The following TYW1B variants were observed in gnomAD, a reference collection of about 807,000 sequenced individuals.
TYW1B encodes the protein tRNA-yW synthesizing protein 1 homolog B.
Under a neutral mutation model 86.9 loss-of-function variants are expected in TYW1B, and 73 were observed. The ratio of observed to expected loss-of-function variants is 0.84; its 90% CI spans 0.70 to 1.02. The LOEUF (loss-of-function observed/expected upper bound fraction) is 1.02, where lower values mean the gene tolerates loss of function less well. Ranked by LOEUF, TYW1B falls within the 50% of genes least tolerant of loss-of-function variation. The probability of loss-of-function intolerance (pLI) is 0.00; values close to 1 mark genes in which losing one functional copy is unlikely to be tolerated. For synonymous variants in TYW1B, 248 were observed against 292.8 expected (o/e 0.85, Z 1.56); for missense variants, 637 against 827.4 (o/e 0.77, Z 2.82).
At chr7:72,735,723 A>G (rs1787185804) in intron 8 of TYW1B, among the ~76,000 whole-genome samples, 1 of 151,908 alleles carries the variant, frequency 6.6e-6, no homozygotes, top group African/African-American at 2.4e-5. Context: ...TACAAAAATT[A>G]TCCGGGCTTG....
At chr7:72,687,305 C>T (rs1202256343) in intron 11 of TYW1B, among the ~76,000 whole-genome samples, 1 of 152,134 alleles carries the variant, frequency 6.6e-6, no homozygotes, top group African/African-American at 2.4e-5. Flanking sequence ...CATGGTGGTG[C>T]ATGCCTGTAA....
At chr7:72,736,542 T>C (rs1787199799) in intron 8 of TYW1B, among the ~76,000 whole-genome samples, 2 of 152,192 alleles carry the variant, frequency 1.3e-5, no homozygotes, top group African/African-American at 4.8e-5. Flanking sequence ...ACTTCACTTT[T>C]TACATGCATC....
In TYW1B at chr7:72,601,794, T is replaced by C. The variant is rs546713971; in HGVS notation, c.1785+14878A>G. On this transcript the variant is annotated intron_variant, in intron 13 of 13. Transcript: ENST00000620995. ...AAAAAAAAAAAAGAAAGAAGCCAGT[T>C]TGATAAAACTACATAGTATATACTT... is the stretch of plus-strand genomic sequence containing the variant. 9.9e-4 allele frequency among the ~76,000 whole-genome samples: 149 copies of C among 151,022 alleles called. 1 individual carries two copies. Among genetic ancestry groups the C allele is most frequent in the Admixed American group, 1.7e-3 (26 of 15,158 alleles).
intron 11 of TYW1B, among the ~76,000 whole-genome samples, chr7:72,664,088 C>A (rs1554444874): frequency 6.6e-6 from 1 of 152,018 alleles, no homozygotes; most frequent in East Asian, 1.9e-4. Context: ...CCTCAAAGCA[C>A]CCCCACAAAC....
chr7:72,768,878 T>C (rs1362234983), intron 7 of TYW1B: 1 of 336,912 alleles, frequency 3.0e-6, no homozygotes, highest in South Asian at 3.2e-5. Context: ...AATGGTTTAC[T>C]GTGGAGCAGT....
chr7:72,600,778 CCT>C (rs1554433557), intron 13 of TYW1B, among the ~76,000 whole-genome samples: 1 of 152,090 alleles, frequency 6.6e-6, no homozygotes, highest in Non-Finnish European at 1.5e-5. Flanking sequence ...GGGAGGATCC[CCT>C]GAGCCCAGGA....
chr7:72,709,247 T>G (rs1250059745), intron 10 of TYW1B, among the ~76,000 whole-genome samples: 3 of 152,020 alleles, frequency 2.0e-5, no homozygotes, highest in Admixed American at 2.0e-4. Context: ...AAATCTAGAA[T>G]GGCTACTTTC....
At chr7:72,731,760 G>A (rs1366063950) in intron 8 of TYW1B, among the ~76,000 whole-genome samples, 7 of 152,094 alleles carry the variant, frequency 4.6e-5, no homozygotes, top group South Asian at 2.1e-4. Flanking sequence ...TGGCCAACAC[G>A]GTGAAACCAC....
chr7:72,716,922 G>C (rs115639736), intron 9 of TYW1B, among the ~76,000 whole-genome samples: 3,717 of 150,838 alleles, frequency 0.025, 160 homozygotes, highest in African/African-American at 0.084. Flanking sequence ...CAAGACATAG[G>C]GTTCATTGAA....
chr7:72,787,392 G>A (rs1554472640), intron 6 of TYW1B, among the ~76,000 whole-genome samples: 1 of 151,928 alleles, frequency 6.6e-6, no homozygotes, highest in African/African-American at 2.4e-5. Context: ...GAACCCAGGA[G>A]GCAGAGGTTG....
At chr7:72,635,422 T>C (rs558422369) in intron 11 of TYW1B, among the ~76,000 whole-genome samples, 2 of 152,298 alleles carry the variant, frequency 1.3e-5, no homozygotes, top group South Asian at 4.2e-4. Flanking sequence ...AGAAAATTTT[T>C]TGGTTTTCAC....
chr7:72,675,210 C>A (rs1236613998), intron 11 of TYW1B, among the ~76,000 whole-genome samples: 1 of 151,936 alleles, frequency 6.6e-6, no homozygotes, highest in Non-Finnish European at 1.5e-5. Flanking sequence ...ACCAGCCTGG[C>A]CAACATGGTG....
intron 8 of TYW1B, 150 bp from the exon 9 acceptor site, chr7:72,729,081 T>A (rs536926328): frequency 3.0e-6 from 2 of 661,914 alleles, no homozygotes; most frequent in South Asian, 4.0e-5. Flanking sequence ...ATTTTCCAAC[T>A]TATTTTAAAT....
intron 6 of TYW1B, among the ~76,000 whole-genome samples, chr7:72,784,004 G>A (rs1788089481): frequency 1.3e-5 from 2 of 152,074 alleles, no homozygotes; most frequent in African/African-American, 4.8e-5. Flanking sequence ...TTAAATAGCT[G>A]GCAAATGGAA....
intron 9 of TYW1B, among the ~76,000 whole-genome samples, chr7:72,728,472 A>C (rs1357451842): frequency 6.6e-6 from 1 of 152,002 alleles, no homozygotes; most frequent in African/African-American, 2.4e-5. Flanking sequence ...ATGCCCAGTT[A>C]ATTTTTGCAT....
intron 11 of TYW1B, among the ~76,000 whole-genome samples, chr7:72,657,803 C>A (rs1475817874): frequency 6.6e-5 from 10 of 152,184 alleles, no homozygotes; most frequent in African/African-American, 2.4e-4. Context: ...TAATTCTTCA[C>A]CACTAGACTG....
intron 13 of TYW1B, among the ~76,000 whole-genome samples, chr7:72,589,420 G>A (rs542756535): frequency 2.6e-4 from 39 of 152,294 alleles, no homozygotes; most frequent in African/African-American, 9.1e-4. Context: ...TTTCTACTCT[G>A]ATGATCTATT....
chr7:72,789,588 T>A (rs1372637706), intron 6 of TYW1B, among the ~76,000 whole-genome samples: 3 of 152,200 alleles, frequency 2.0e-5, no homozygotes, highest in African/African-American at 4.8e-5. Flanking sequence ...ATTTTAAATT[T>A]AGAAAATAAC....
intron 11 of TYW1B, among the ~76,000 whole-genome samples, chr7:72,652,230 T>C (rs1813077914): frequency 6.6e-6 from 1 of 151,288 alleles, no homozygotes; most frequent in Non-Finnish European, 1.5e-5. Flanking sequence ...TAAAAAACAT[T>C]AGCTGGGTGT....
Sources: allele counts gnomAD v4.1 joint callset (sites outside exome capture counted in the v4.1 genomes callset), GRCh38; gene constraint gnomAD v4.1.1; transcripts MANE v1.5; gene names NCBI Gene and HGNC (gene_info 2026-07-23, HGNC 2026-07-21).